Variants in ZBTB20 observed in about 807,000 individuals in gnomAD.
The protein encoded by ZBTB20 is zinc finger and BTB domain containing 20.
In ZBTB20, 9 loss-of-function variants were observed where a neutral mutation model predicts 56.9. That is an observed-to-expected ratio of 0.16 (90% confidence interval 0.10 to 0.28). The LOEUF is 0.28. ZBTB20 is among the 10% of genes least tolerant of loss of function. The pLI, the probability that ZBTB20 is intolerant of heterozygous loss-of-function variation, is 1.00. For missense variants in ZBTB20, 655 were observed against 1,003.0 expected, an observed-to-expected ratio of 0.65 and a Z score of 4.69; for synonymous variants, 417 against 420.7, an observed-to-expected ratio of 0.99 and a Z score of 0.11.
At chr3:114,937,999 T>TGAGGCAGGAGAATGGCGTG (rs894297159) in intron 3 of ZBTB20, among the ~76,000 whole-genome samples, 1 of 151,622 alleles carries the variant, frequency 6.6e-6, no homozygotes, top group Non-Finnish European at 1.5e-5. Flanking sequence ...CTTGGGAGGC[T>TGAGGCAGGAGAATGGCGTG]GAGGCAGGAG....
intron 8 of ZBTB20, chr3:114,387,428 A>G (rs1180891370): frequency 6.6e-6 from 1 of 152,216 alleles, no homozygotes; most frequent in East Asian, 1.9e-4. Flanking sequence ...TCTAGGGCCC[A>G]TGAGAAGTAA....
intron 6 of ZBTB20, among the ~76,000 whole-genome samples, chr3:114,513,394 T>A (rs1421515364): frequency 6.6e-6 from 1 of 152,238 alleles, no homozygotes; most frequent in Non-Finnish European, 1.5e-5. Context: ...AGTTTACCTA[T>A]TTATATTTTG....
intron 1 of ZBTB20, among the ~76,000 whole-genome samples, chr3:115,103,736 C>T (rs1283996872): frequency 6.6e-6 from 1 of 152,090 alleles, no homozygotes; most frequent in East Asian, 1.9e-4. Context: ...ATGTAAAATG[C>T]AAAATTCTAA....
chr3:114,582,509 C>T (rs966418830), intron 6 of ZBTB20, among the ~76,000 whole-genome samples: 5 of 151,912 alleles, frequency 3.3e-5, no homozygotes, highest in East Asian at 1.9e-4. Context: ...CTCAGCCTCC[C>T]GAGTAGCTTA....
chr3:114,516,608 G>T (rs1328730301), intron 6 of ZBTB20, among the ~76,000 whole-genome samples: 4 of 152,194 alleles, frequency 2.6e-5, no homozygotes, highest in African/African-American at 4.8e-5. Context: ...ATGAATAGAT[G>T]TGTGAATAGG....
At chr3:114,355,957 GCA>G (rs1471019217) in intron 10 of ZBTB20, 3 of 152,078 alleles carry the variant, frequency 2.0e-5, no homozygotes, top group Admixed American at 1.3e-4. Context: ...AATAAAAAAT[GCA>G]CAGTGTTATG....
chr3:114,582,890 C>A (rs188616270), intron 6 of ZBTB20, among the ~76,000 whole-genome samples: 14 of 152,304 alleles, frequency 9.2e-5, no homozygotes, highest in African/African-American at 3.1e-4. Context: ...TCATTCACTT[C>A]TTGACTGACT....
chr3:115,107,514 A>G (rs1057381960), intron 1 of ZBTB20, among the ~76,000 whole-genome samples: 1 of 152,212 alleles, frequency 6.6e-6, no homozygotes, highest in African/African-American at 2.4e-5. Context: ...GATGCTGGCG[A>G]GGCTGCAAAG....
chr3:114,476,574 G>A (rs947365609), intron 7 of ZBTB20, among the ~76,000 whole-genome samples: 4 of 152,160 alleles, frequency 2.6e-5, no homozygotes, highest in African/African-American at 4.8e-5. Flanking sequence ...GAGGGCAAGA[G>A]AGCACAAAAG....
intron 6 of ZBTB20, among the ~76,000 whole-genome samples, chr3:114,569,215 G>A (rs1164642525): frequency 1.3e-5 from 2 of 152,154 alleles, no homozygotes; most frequent in Non-Finnish European, 2.9e-5. Flanking sequence ...TATGGAAAAT[G>A]CCATAATAGG....
At chr3:115,104,213 G>A (rs1021052613) in intron 1 of ZBTB20, among the ~76,000 whole-genome samples, 12 of 152,124 alleles carry the variant, frequency 7.9e-5, no homozygotes, top group Admixed American at 5.2e-4. Context: ...ATGATGATGC[G>A]GATGTGGAGC....
chr3:114,920,889 G>A (rs1188413044), intron 3 of ZBTB20, among the ~76,000 whole-genome samples: 2 of 152,050 alleles, frequency 1.3e-5, no homozygotes, highest in African/African-American at 2.4e-5. Context: ...TTAAAATTTT[G>A]TAATGGAAAA....
intron 6 of ZBTB20, among the ~76,000 whole-genome samples, chr3:114,506,327 G>C (rs1374518991): frequency 6.6e-6 from 1 of 152,024 alleles, no homozygotes; most frequent in Non-Finnish European, 1.5e-5. Context: ...CAGCAATTAG[G>C]TCTGGGACTG....
chr3:114,773,521 A>G (rs2069364475), intron 5 of ZBTB20, among the ~76,000 whole-genome samples: 2 of 152,294 alleles, frequency 1.3e-5, no homozygotes, highest in Non-Finnish European at 1.5e-5. Context: ...CCTCGAGACT[A>G]AAGGAAAAAG....
intron 1 of ZBTB20, among the ~76,000 whole-genome samples, chr3:115,090,357 A>T (rs898088173): frequency 1.3e-5 from 2 of 151,704 alleles, no homozygotes; most frequent in Admixed American, 1.3e-4. Context: ...ATTGAAAAGA[A>T]TTTTTTTCAT....
intron 3 of ZBTB20, among the ~76,000 whole-genome samples, chr3:114,952,809 C>G (rs1170742567): frequency 2.0e-5 from 3 of 151,926 alleles, no homozygotes; most frequent in Admixed American, 2.0e-4. Flanking sequence ...AATTCTATAT[C>G]CTGTATAAAA....
At chr3:114,673,717 ACTTTGGT>A (rs2061481466) in intron 6 of ZBTB20, among the ~76,000 whole-genome samples, 1 of 152,126 alleles carries the variant, frequency 6.6e-6, no homozygotes, top group South Asian at 2.1e-4. Flanking sequence ...GGTTTTGTAC[ACTTTGGT>A]CTTTTATTTG....
intron 1 of ZBTB20, among the ~76,000 whole-genome samples, chr3:115,120,018 G>C (rs1235922372): frequency 6.6e-6 from 1 of 152,072 alleles, no homozygotes; most frequent in East Asian, 1.9e-4. Context: ...GTTGCCAGGG[G>C]CTGGGGGAGA....
intron 5 of ZBTB20, among the ~76,000 whole-genome samples, chr3:114,792,359 C>G (rs945516943): frequency 1.3e-5 from 2 of 152,150 alleles, no homozygotes; most frequent in Admixed American, 1.3e-4. Flanking sequence ...AACAAAGTCC[C>G]TTCTGCTAAG....
Sources: gnomAD v4.1 joint callset for allele counts (sites outside exome capture counted in the v4.1 genomes callset) on GRCh38, gnomAD v4.1.1 for gene constraint, MANE v1.5 for transcripts, NCBI Gene and HGNC (gene_info 2026-07-23, HGNC 2026-07-21) for gene names.